Variants in BAIAP2 observed in about 807,000 individuals in gnomAD.
BAIAP2 encodes BAR/IMD domain containing adaptor protein 2.
BAIAP2 carries 18 observed loss-of-function variants against 63.0 expected under a neutral mutation model. The ratio of observed to expected loss-of-function variants is 0.29; its 90% confidence interval spans 0.20 to 0.42. The LOEUF (loss-of-function observed/expected upper bound fraction) is 0.42. Among genes scored for constraint, BAIAP2 ranks in the 10% least tolerant of loss-of-function variants. BAIAP2 has a pLI of 1.00. For synonymous variants in BAIAP2, 386 were observed against 307.6 expected (o/e 1.25, Z -2.67); for missense variants, 610 against 734.3 (o/e 0.83, Z 1.96).
intron 10 of BAIAP2, chr17:81,104,995 C>CGGCAGGGATCTCCCCCAAT (rs1291925203): frequency 1.1e-5 from 4 of 366,056 alleles, no homozygotes; most frequent in African/African-American, 4.2e-5. Context: ...CTCCCCCCAA[C>CGGCAGGGATCTCCCCCAAT]GGCAGGGATC....
At chr17:81,070,483 C>G (rs1306298969) in intron 3 of BAIAP2, among the ~76,000 whole-genome samples, 2 of 152,186 alleles carry the variant, frequency 1.3e-5, no homozygotes, top group African/African-American at 2.4e-5. Context: ...TCCTTGCGGA[C>G]ACTGGGCAAA....
At position 81,037,420 on chromosome 17, in the gene BAIAP2, G is replaced by C. The variant is rs547895773; in HGVS notation, c.54+2112G>C. Reference sequence around the variant, plus strand: ...GCCACTCCGGGAGCCTGACTGCTGAGTCTTTGAGACCTTTTTGTGCTTTGT... The same window carrying C: ...GCCACTCCGGGAGCCTGACTGCTGACTCTTTGAGACCTTTTTGTGCTTTGT... On this transcript the variant is annotated intron_variant, in intron 1 of 13. Coordinates refer to ENST00000428708, the MANE Select transcript of BAIAP2 (RefSeq NM_001144888.2). Among the ~76,000 whole-genome samples, 11 of 152,382 alleles carry C rather than the reference G, an allele frequency of 7.2e-5. No homozygotes were observed. In the South Asian group the frequency reaches 1.9e-3, roughly 26 times the overall value.
At chr17:81,062,877 G>A (rs1240129847) in intron 3 of BAIAP2, among the ~76,000 whole-genome samples, 1 of 151,878 alleles carries the variant, frequency 6.6e-6, no homozygotes. Flanking sequence ...CTGTGTTCAG[G>A]GCCACCTTGG....
chr17:81,064,335 T>G (rs995487850), intron 3 of BAIAP2, among the ~76,000 whole-genome samples: 5 of 151,950 alleles, frequency 3.3e-5, no homozygotes, highest in African/African-American at 7.2e-5. Flanking sequence ...GGTCCTGTCT[T>G]CAGCCCCGTC....
At chr17:81,070,373 G>C (rs1438849408) in intron 3 of BAIAP2, among the ~76,000 whole-genome samples, 1 of 152,238 alleles carries the variant, frequency 6.6e-6, no homozygotes, top group East Asian at 1.9e-4. Context: ...CCTTCGGGCT[G>C]GGTATTGAAT....
chr17:81,039,711 C>G (rs2046823515), intron 1 of BAIAP2, among the ~76,000 whole-genome samples: 1 of 152,038 alleles, frequency 6.6e-6, no homozygotes, highest in African/African-American at 2.4e-5. Context: ...GTTCCTGTTG[C>G]TGCCTTGTCT....
rs1429534494 is a variant in BAIAP2, at chr17:81,105,031, AATGGCAGGGGTCTTTCCCC to A, written c.1268+330_1268+348del. On this transcript the variant is annotated intron_variant, in intron 10 of 13. Coordinates refer to ENST00000428708, the MANE Select transcript of BAIAP2 (RefSeq NM_001144888.2). ...TCCCCCAATGGCAGGTATCTCCCCCAATGGCAGGGGTCTTTCCCCATGGCAGGGGTCTCCCCCCAATGGC... is the reference window on the plus strand; with the variant it reads ...TCCCCCAATGGCAGGTATCTCCCCCAATGGCAGGGGTCTCCCCCCAATGGC... The A allele has an allele frequency of 2.0e-5, 5 of 249,948 alleles. No individual in the cohort carries two copies. In the East Asian group the frequency reaches 3.2e-4, roughly 16 times the overall value. The allele number at this position is 249,948 out of a possible 1,614,324, so 15.5% of individuals were successfully genotyped here.
chr17:81,102,304 G>A (rs938845022), intron 7 of BAIAP2, among the ~76,000 whole-genome samples: 12 of 152,182 alleles, frequency 7.9e-5, no homozygotes, highest in Admixed American at 2.0e-4. Context: ...TGTCAGGGCC[G>A]TGCCGCTGCG....
chr17:81,108,364 G>A (rs2059424586), intron 12 of BAIAP2, 111 bp from the exon 13 acceptor site: 4 of 1,263,834 alleles, frequency 3.2e-6, no homozygotes, highest in Non-Finnish European at 4.5e-6. Context: ...AAGGAACACG[G>A]TTTGAACCTT....
chr17:81,035,190 A>T lies in BAIAP2; in HGVS notation c.-65A>T. On this transcript the variant is annotated 5_prime_UTR_variant, in exon 1 of 14. Transcript: ENST00000428708. ...CTTTCGTCTCCGTCCTGCTGCCGTTACCGCCGCTGCTGCCGCCGCTTGCGT... is the reference window on the plus strand; with the variant it reads ...CTTTCGTCTCCGTCCTGCTGCCGTTTCCGCCGCTGCTGCCGCCGCTTGCGT... 1 of 1,343,538 alleles carries T rather than the reference A, an allele frequency of 7.4e-7. No individual in the cohort carries two copies. The highest frequency in any genetic ancestry group is 9.9e-7 in the Non-Finnish European group (1 of 1,007,856). The allele number at this position is 1,343,538 out of a possible 1,614,324, so 83.2% of individuals were successfully genotyped here. A position where few individuals can be genotyped will look rare whatever the true frequency, so the allele number is the denominator to read the frequency against.
Position 81,086,425 on chromosome 17 carries a change from T to C in BAIAP2, c.352-18T>C. The C allele has an allele frequency of 1.9e-6, 3 of 1,612,794 alleles. No homozygotes were observed. Among genetic ancestry groups the C allele is most frequent in the Non-Finnish European group, 8.5e-7 (1 of 1,179,100 alleles). ...GGTTCATGGGCCTTGGTTTTGTGTT[T>C]TATTGTTTGAATCTCAGGCTGCGCT... On this transcript the variant is annotated intron_variant, in intron 5 of 13. Transcript: ENST00000428708.
At chr17:81,048,604 G>A (rs1396165416) in intron 1 of BAIAP2, among the ~76,000 whole-genome samples, 1 of 152,116 alleles carries the variant, frequency 6.6e-6, no homozygotes, top group East Asian at 1.9e-4. Context: ...TCTCCAGGCT[G>A]GCCAGCAGTG....
intron 3 of BAIAP2, among the ~76,000 whole-genome samples, chr17:81,058,516 G>T (rs1164815641): frequency 6.6e-6 from 1 of 152,228 alleles, no homozygotes; most frequent in Non-Finnish European, 1.5e-5. Context: ...GGTGCTGCAG[G>T]CGTGGCTTAG....
intron 4 of BAIAP2, 86 bp from the exon 5 acceptor site, chr17:81,085,568 G>C: frequency 8.9e-7 from 1 of 1,129,016 alleles, no homozygotes; most frequent in Non-Finnish European, 1.3e-6. Flanking sequence ...GGTGTCTCGT[G>C]CCCATCCGCT....
intron 1 of BAIAP2, among the ~76,000 whole-genome samples, chr17:81,038,111 C>T (rs1420594577): frequency 1.3e-5 from 2 of 152,248 alleles, no homozygotes; most frequent in Non-Finnish European, 2.9e-5. Context: ...CCTTCCTCCA[C>T]AGGAGCCCGG....
At chr17:81,053,256 G>T in intron 1 of BAIAP2, 1 of 189,372 alleles carries the variant, frequency 5.3e-6, no homozygotes. Context: ...TGGGAGGGGG[G>T]TGCCGGCGTC....
chr17:81,112,669 G>A (rs1019917213), intron 13 of BAIAP2, among the ~76,000 whole-genome samples: 1 of 152,240 alleles, frequency 6.6e-6, no homozygotes. Context: ...CCGGCTCTGG[G>A]TCTGGAGTCA....
chr17:81,110,134 C>T (rs900111816), intron 13 of BAIAP2: 39 of 985,508 alleles, frequency 4.0e-5, no homozygotes, highest in Non-Finnish European at 4.6e-5. Context: ...GTGGGAGCCC[C>T]TGGGAAGCTG....
intron 6 of BAIAP2, among the ~76,000 whole-genome samples, chr17:81,099,479 C>G (rs2058197589): frequency 6.6e-6 from 1 of 152,138 alleles, no homozygotes; most frequent in African/African-American, 2.4e-5. Context: ...GAGGCAGAGG[C>G]ACAGGTGAGA....
Sources: gnomAD v4.1 joint callset for allele counts (sites outside exome capture counted in the v4.1 genomes callset) on GRCh38, gnomAD v4.1.1 for gene constraint, MANE v1.5 for transcripts, NCBI Gene and HGNC (gene_info 2026-07-23, HGNC 2026-07-21) for gene names.